The following NFIB variants were observed in gnomAD, a reference collection of about 807,000 sequenced individuals.
The protein encoded by NFIB is nuclear factor I B.
In NFIB, 11 loss-of-function variants were observed where a neutral mutation model predicts 61.5. The observed-to-expected ratio is 0.18, with a 90% CI of 0.11 to 0.30. NFIB has a LOEUF of 0.30. NFIB is among the 10% of genes least tolerant of loss of function. The pLI is 1.00. For missense variants in NFIB, 471 were observed against 608.9 expected, an observed-to-expected ratio of 0.77 and a Z score of 2.38; for synonymous variants, 260 against 216.5, an observed-to-expected ratio of 1.20 and a Z score of -1.76.
chr9:14,191,226 G>A (rs1057240234), intron 2 of NFIB, among the ~76,000 whole-genome samples: 3 of 152,080 alleles, frequency 2.0e-5, no homozygotes, highest in Non-Finnish European at 4.4e-5. Flanking sequence ...TACTCGAGAG[G>A]CTAAGGTGGG....
At chr9:14,118,851 A>T (rs1255366466) in intron 8 of NFIB, among the ~76,000 whole-genome samples, 1 of 151,272 alleles carries the variant, frequency 6.6e-6, no homozygotes, top group Non-Finnish European at 1.5e-5. Flanking sequence ...AAAACTGAGA[A>T]CAATATAGGC....
At chr9:14,097,160 C>T (rs1281245113) in intron 10 of NFIB, among the ~76,000 whole-genome samples, 1 of 152,070 alleles carries the variant, frequency 6.6e-6, no homozygotes, top group Non-Finnish European at 1.5e-5. Context: ...AGAGTAATTC[C>T]TTTAAAAAGA....
At chr9:14,380,405 A>G (rs2061473904) in intron 1 of NFIB, among the ~76,000 whole-genome samples, 1 of 152,250 alleles carries the variant, frequency 6.6e-6, no homozygotes, top group African/African-American at 2.4e-5. Context: ...TTGGCCCAAT[A>G]AAATGGTGAT....
intron 2 of NFIB, among the ~76,000 whole-genome samples, chr9:14,200,082 G>C (rs1236316437): frequency 1.3e-5 from 2 of 152,124 alleles, no homozygotes; most frequent in East Asian, 3.9e-4. Context: ...AGGTCTGAAG[G>C]CCTGGTAAGA....
At chr9:14,415,773 C>G in the NFIB span, among the ~76,000 whole-genome samples, 1 of 152,128 alleles carries the variant, frequency 6.6e-6, no homozygotes, top group African/African-American at 2.4e-5. Flanking sequence ...CTCCTTAAAT[C>G]CCTCAAGTCC....
At chr9:14,470,515 A>G in the NFIB span, among the ~76,000 whole-genome samples, 4 of 152,158 alleles carry the variant, frequency 2.6e-5, no homozygotes, top group Non-Finnish European at 5.9e-5. Flanking sequence ...GAACTCCATA[A>G]GGGCCAGATG....
At chr9:14,150,980 T>C (rs1187748110) in intron 4 of NFIB, among the ~76,000 whole-genome samples, 1 of 152,130 alleles carries the variant, frequency 6.6e-6, no homozygotes, top group African/African-American at 2.4e-5. Flanking sequence ...TAATTTTAGA[T>C]ATCATGAACA....
chr9:14,436,422 C>A, the NFIB span, among the ~76,000 whole-genome samples: 1 of 152,192 alleles, frequency 6.6e-6, no homozygotes, highest in Non-Finnish European at 1.5e-5. Context: ...GAAGTGTTCA[C>A]CAGGTAAGGC....
intron 1 of NFIB, among the ~76,000 whole-genome samples, chr9:14,310,550 TA>T (rs1196165986): frequency 1.3e-5 from 2 of 152,150 alleles, no homozygotes; most frequent in Non-Finnish European, 2.9e-5. Flanking sequence ...GATACAAAAA[TA>T]TTTTTTTAAA....
intron 2 of NFIB, among the ~76,000 whole-genome samples, chr9:14,295,055 T>C (rs2059343336): frequency 6.6e-6 from 1 of 152,220 alleles, no homozygotes; most frequent in Non-Finnish European, 1.5e-5. Context: ...TCCACTTGGC[T>C]TCCAGTTGTT....
intron 1 of NFIB, among the ~76,000 whole-genome samples, chr9:14,379,555 G>T (rs2061459080): frequency 2.0e-5 from 3 of 152,122 alleles, no homozygotes; most frequent in Non-Finnish European, 4.4e-5. Flanking sequence ...GGATCTCAAA[G>T]TCCTTATGTC....
At chr9:14,302,565 T>C (rs542983248) in intron 2 of NFIB, among the ~76,000 whole-genome samples, 13 of 152,230 alleles carry the variant, frequency 8.5e-5, no homozygotes, top group African/African-American at 2.2e-4. Flanking sequence ...ACATGTTTAA[T>C]AAGAGTGCAA....
chr9:14,128,012 T>G (rs958961859), intron 6 of NFIB, among the ~76,000 whole-genome samples: 1 of 151,228 alleles, frequency 6.6e-6, no homozygotes, highest in Admixed American at 6.6e-5. Flanking sequence ...GAAAAAAAAT[T>G]TAAACCATGG....
chr9:14,219,820 A>G (rs1028477847), intron 2 of NFIB, among the ~76,000 whole-genome samples: 6 of 152,228 alleles, frequency 3.9e-5, no homozygotes, highest in Non-Finnish European at 8.8e-5. Context: ...ACACAATGGA[A>G]TTAAAGCTAT....
the NFIB span, among the ~76,000 whole-genome samples, chr9:14,522,984 G>A: frequency 1.3e-5 from 2 of 152,190 alleles, no homozygotes; most frequent in Admixed American, 1.3e-4. Context: ...TCTCCCTTGT[G>A]TCTCTACCAT....
the NFIB span, among the ~76,000 whole-genome samples, chr9:14,451,005 A>T: frequency 6.6e-6 from 1 of 152,230 alleles, no homozygotes; most frequent in Non-Finnish European, 1.5e-5. Context: ...CTGGAACTTT[A>T]CAGGGGGTCA....
At chr9:14,433,897 C>T in the NFIB span, among the ~76,000 whole-genome samples, 1 of 152,150 alleles carries the variant, frequency 6.6e-6, no homozygotes, top group Non-Finnish European at 1.5e-5. Flanking sequence ...TGTAATACAG[C>T]TTGGGATCAG....
intron 1 of NFIB, among the ~76,000 whole-genome samples, chr9:14,345,806 C>T (rs2061010495): frequency 6.6e-6 from 1 of 152,200 alleles, no homozygotes; most frequent in Non-Finnish European, 1.5e-5. Context: ...TCCCCCTCAC[C>T]TGTATTTTTC....
chr9:14,107,697 C>T (rs899560749), intron 10 of NFIB, among the ~76,000 whole-genome samples: 3 of 152,052 alleles, frequency 2.0e-5, no homozygotes, highest in African/African-American at 7.2e-5. Flanking sequence ...ACTCCTAATC[C>T]CTGGTTCTCA....
Sources: allele counts gnomAD v4.1 joint callset (sites outside exome capture counted in the v4.1 genomes callset), GRCh38; gene constraint gnomAD v4.1.1; transcripts MANE v1.5; gene names NCBI Gene and HGNC (gene_info 2026-07-23, HGNC 2026-07-21).